Variants in EEF2 observed in about 807,000 individuals in gnomAD.
EEF2 encodes the protein eukaryotic translation elongation factor 2.
In EEF2, 21 loss-of-function variants were observed where a neutral mutation model predicts 85.3. The ratio of observed to expected loss-of-function variants is 0.25; its 90% CI spans 0.17 to 0.35. EEF2 has a LOEUF of 0.35. EEF2 is among the 10% of genes least tolerant of loss of function. The probability of loss-of-function intolerance (pLI) is 1.00; values close to 1 mark genes in which losing one functional copy is unlikely to be tolerated. For missense variants in EEF2, 825 were observed against 1,225.3 expected (o/e 0.67, Z 4.88); for synonymous variants, 723 against 508.8 (o/e 1.42, Z -5.67).
At chr19:3,984,921 T>A (rs1478122786) in intron 1 of EEF2, 1 of 176,684 alleles carries the variant, frequency 5.7e-6, no homozygotes, top group Non-Finnish European at 1.2e-5. Context: ...ATTAACAGCA[T>A]CAGGAGAAGG....
chr19:3,978,804 A>C (rs1425950801), intron 11 of EEF2, among the ~76,000 whole-genome samples: 5 of 33,296 alleles, frequency 1.5e-4, no homozygotes, highest in African/African-American at 5.5e-4. Flanking sequence ...CTCTTGTCTC[A>C]AAAAAAAAAA....
chr19:3,981,306 C>T (rs373854670), intron 7 of EEF2, 33 bp downstream of exon 7: 1 of 1,598,290 alleles, frequency 6.3e-7, no homozygotes, highest in Non-Finnish European at 8.6e-7. Flanking sequence ...AGCCTGTGTT[C>T]CCTCCACCCC....
At chr19:3,982,520 C>G in intron 4 of EEF2, 96 bp from the exon 5 acceptor site, 1 of 1,471,676 alleles carries the variant, frequency 6.8e-7, no homozygotes, top group Non-Finnish European at 9.5e-7. Flanking sequence ...CAGACGCAGG[C>G]TTTCTTCAGT....
chr19:3,981,046 T>A, intron 7 of EEF2, 67 bp from the exon 8 acceptor site: 1 of 1,516,418 alleles, frequency 6.6e-7, no homozygotes, highest in East Asian at 2.4e-5. Flanking sequence ...CCGTACACGC[T>A]TCCTCTCTTG....
chr19:3,985,114 TTCCCCACCCCCA>T (rs1259501599), intron 1 of EEF2: 9 of 393,018 alleles, frequency 2.3e-5, no homozygotes, highest in African/African-American at 4.1e-5. Context: ...CACATCATCA[TTCCCCACCCCCA>T]TCCCCGCTAA....
At chr19:3,983,923 C>T (rs1450691727) in intron 2 of EEF2, 9 of 591,380 alleles carry the variant, frequency 1.5e-5, no homozygotes, top group African/African-American at 3.7e-5. Context: ...AGTTAAGCCC[C>T]CTCCTCAAGA....
rs573486729 is a variant in EEF2 at position 3,981,223 on chromosome 19, G to A, written c.1011+116C>T. 5.1e-5 allele frequency: 59 copies of A among 1,146,534 alleles called. 1 individual carries two copies. In the South Asian group the frequency reaches 6.2e-4, roughly 12 times the overall value. 71.0% of individuals were successfully genotyped at this position (1,146,534 alleles called of 1,614,324 possible). On this transcript the variant is annotated intron_variant, in intron 7 of 14. Coordinates refer to ENST00000309311, the MANE Select transcript of EEF2 (RefSeq NM_001961.4). ...CAGCACCCAGAGTCTAAAGCGAAAG[G>A]GGCAGCAGCTGTCCCTGCCCAGCTG...
intron 6 of EEF2, 70 bp from the exon 7 acceptor site, chr19:3,981,522 G>C: frequency 7.0e-7 from 1 of 1,434,242 alleles, no homozygotes; most frequent in South Asian, 1.1e-5. Context: ...ACTGCTTCCT[G>C]CTTGGAAGAC....
chr19:3,977,756 A>C lies in EEF2; in HGVS notation c.2067+63T>G. On this transcript the variant is annotated intron_variant, in intron 12 of 14. Coordinates refer to ENST00000309311, the MANE Select transcript of EEF2 (RefSeq NM_001961.4). The surrounding 1 kb of genome is among the most constrained non-coding windows in gnomAD (Gnocchi z 5.4). ...TAGGGTCTCTGTCTCGGGAGGCAGGACCATGAGGTCCCTCTAGAGCCTGGA... is the reference window on the plus strand; with the variant it reads ...TAGGGTCTCTGTCTCGGGAGGCAGGCCCATGAGGTCCCTCTAGAGCCTGGA... The C allele has an allele frequency of 6.7e-7, 1 of 1,502,790 alleles. No individual in the cohort carries two copies. Among genetic ancestry groups the C allele is most frequent in the Non-Finnish European group, 8.9e-7 (1 of 1,126,874 alleles). 93.1% of individuals were successfully genotyped at this position (1,502,790 alleles called of 1,614,324 possible).
In EEF2 at chr19:3,985,385, G is replaced by A; in HGVS notation, c.-5C>T. On this transcript the variant is annotated 5_prime_UTR_variant, in exon 1 of 15. Coordinates refer to ENST00000309311, the MANE Select transcript of EEF2 (RefSeq NM_001961.4). ...CGAGGCAGGGTTACTCACCATGGTG[G>A]CGGATGGCGGTGGATTCTCCCAGGT... is the stretch of plus-strand genomic sequence containing the variant. 3 of 1,513,634 alleles carry A rather than the reference G, an allele frequency of 2.0e-6. No individual in the cohort carries two copies. The highest frequency in any genetic ancestry group is 1.3e-5 in the South Asian group (1 of 79,706). The allele number at this position is 1,513,634 out of a possible 1,614,324, so 93.8% of individuals were successfully genotyped here. A position where few individuals can be genotyped will look rare whatever the true frequency, so the allele number is the denominator to read the frequency against.
chr19:3,976,847 C>T (rs2039685344), intron 14 of EEF2, 100 bp from the exon 15 acceptor site: 1 of 1,313,434 alleles, frequency 7.6e-7, no homozygotes, highest in Admixed American at 2.9e-5. Context: ...GCCTGAGTCA[C>T]CCTGCAGACC....
intron 1 of EEF2, among the ~76,000 whole-genome samples, chr19:3,984,577 A>C (rs2039796101): frequency 6.6e-6 from 1 of 152,198 alleles, no homozygotes; most frequent in Non-Finnish European, 1.5e-5. Context: ...ACCCAGAAAT[A>C]AAAGTGCTCA....
Position 3,976,728 on chromosome 19 carries a change from C to G in EEF2, c.2403G>C (p.Arg801Ser). 1 of 1,594,678 alleles carries G rather than the reference C, an allele frequency of 6.3e-7. No individual in the cohort carries two copies. Among genetic ancestry groups the G allele is most frequent in the Non-Finnish European group, 8.5e-7 (1 of 1,174,184 alleles). ...GGAACGCCTGGCCGCCCGTGTTGGA[C>G]CTCAGGTCAGCGGTGAAGCCTGCAG... The part of the protein sequence containing the change: ...NESFGFTADL[R>S]SNTGGQAFPQ... Residue 801 changes from arginine to serine, a missense_variant, in exon 15 of 15, where the codon AGG becomes AGC. Physicochemically the swap from Arg to Ser is moderately radical, Grantham distance 110. Coordinates refer to ENST00000309311, the MANE Select transcript of EEF2 (RefSeq NM_001961.4).
chr19:3,984,032 G>T (rs985048718), intron 2 of EEF2, 104 bp downstream of exon 2: 7 of 1,229,644 alleles, frequency 5.7e-6, no homozygotes, highest in African/African-American at 1.5e-5. Context: ...GAAACCAGGG[G>T]AAAGAGACGT....
At chr19:3,979,698 T>C in intron 10 of EEF2, 110 bp downstream of exon 10, 7 of 1,488,508 alleles carry the variant, frequency 4.7e-6, no homozygotes, top group African/African-American at 2.8e-5. Context: ...CCTCCTTTCA[T>C]GACCAGTCAC....
rs754464615 is a variant in EEF2, at chr19:3,980,167, G to T, written c.1347-101C>A. ...CCGGAGTTGGTGGCCCTCCTGCCAG[G>T]TCCCAGGGCAGACTGGTGGCTTCCA... On this transcript the variant is annotated intron_variant, in intron 9 of 14. Coordinates refer to ENST00000309311, the MANE Select transcript of EEF2 (RefSeq NM_001961.4). 96 of 1,489,082 alleles carry T rather than the reference G, an allele frequency of 6.4e-5. 1 individual carries two copies. The highest frequency in any genetic ancestry group is 8.5e-5 in the Non-Finnish European group (95 of 1,116,646). The allele number at this position is 1,489,082 out of a possible 1,614,324, so 92.2% of individuals were successfully genotyped here.
At chr19:3,985,197 T>C (rs946574216) in intron 1 of EEF2, 181 bp downstream of exon 1, 17 of 615,684 alleles carry the variant, frequency 2.8e-5, no homozygotes, top group South Asian at 1.2e-4. Flanking sequence ...GAGAAAGGGC[T>C]CGGTGAACAG....
In EEF2 at chr19:3,976,514, TGCGAGTCCCCGGG is replaced by T; in HGVS notation, c.*27_*39del. On this transcript the variant is annotated 3_prime_UTR_variant, in exon 15 of 15. Coordinates refer to ENST00000309311, the MANE Select transcript of EEF2 (RefSeq NM_001961.4). ...TTCGAGGACGTGGTGCTGTGGGTGC[TGCGAGTCCCCGGG>T]GCGGCAGGCGCTGCAGGAAGGGCCG... is the stretch of plus-strand genomic sequence containing the variant. 1 of 1,564,708 alleles carries T rather than the reference TGCGAGTCCCCGGG, an allele frequency of 6.4e-7. No homozygotes were observed. The highest frequency in any genetic ancestry group is 8.7e-7 in the Non-Finnish European group (1 of 1,154,794).
intron 6 of EEF2, 91 bp from the exon 7 acceptor site, chr19:3,981,543 G>C: frequency 8.5e-7 from 1 of 1,170,736 alleles, no homozygotes; most frequent in Non-Finnish European, 1.3e-6. Context: ...TCAGGTCAGC[G>C]CAGGGGGACG....
Sources: gnomAD v4.1 joint callset for allele counts (sites outside exome capture counted in the v4.1 genomes callset) on GRCh38, gnomAD v4.1.1 for gene constraint, Gnocchi (gnomAD v3.1) non-coding constraint, MANE v1.5 for transcripts, NCBI Gene and HGNC (gene_info 2026-07-23, HGNC 2026-07-21) for gene names.